The following EYS variants were observed in gnomAD, a reference collection of about 807,000 sequenced individuals.
EYS encodes protein eyes shut homolog.
EYS carries 250 observed loss-of-function variants against 282.1 expected under a neutral mutation model. The observed-to-expected ratio is 0.89, with a 90% CI of 0.80 to 0.98. The LOEUF (loss-of-function observed/expected upper bound fraction) is 0.98. Among genes scored for constraint, EYS ranks in the 50% least tolerant of loss-of-function variants. EYS has a pLI of 0.00. For synonymous variants in EYS, 1,355 were observed against 1,282.9 expected, an observed-to-expected ratio of 1.06 and a Z score of -1.20; for missense variants, 4,016 against 3,709.0, an observed-to-expected ratio of 1.08 and a Z score of -2.15.
At chr6:65,503,830 G>T (rs1351526357) in intron 2 of EYS, among the ~76,000 whole-genome samples, 1 of 151,526 alleles carries the variant, frequency 6.6e-6, no homozygotes, top group Non-Finnish European at 1.5e-5. Flanking sequence ...TTGTTCTTTT[G>T]TCAATACCAG....
intron 29 of EYS, among the ~76,000 whole-genome samples, chr6:64,342,107 A>G (rs2150397233): frequency 6.6e-6 from 1 of 151,764 alleles, no homozygotes; most frequent in South Asian, 2.1e-4. Context: ...TGTATATAGT[A>G]TAATTATAGC....
At chr6:65,618,501 G>C (rs1582526246) in intron 2 of EYS, among the ~76,000 whole-genome samples, 2 of 152,266 alleles carry the variant, frequency 1.3e-5, no homozygotes, top group East Asian at 3.9e-4. Flanking sequence ...TATTTTGTAG[G>C]TTGCTTGTTC....
chr6:64,531,116 T>C (rs1430640142), intron 26 of EYS, among the ~76,000 whole-genome samples: 1 of 152,138 alleles, frequency 6.6e-6, no homozygotes, highest in Non-Finnish European at 1.5e-5. Flanking sequence ...AACCAGAAAT[T>C]GTTTTACATG....
chr6:64,982,951 G>T (rs567719475), intron 14 of EYS, among the ~76,000 whole-genome samples: 1 of 151,208 alleles, frequency 6.6e-6, no homozygotes, highest in Non-Finnish European at 1.5e-5. Context: ...AGAAATCTTT[G>T]AAAATAAAAT....
chr6:64,414,424 T>G (rs2150446137), intron 28 of EYS, among the ~76,000 whole-genome samples: 1 of 152,128 alleles, frequency 6.6e-6, no homozygotes, highest in Non-Finnish European at 1.5e-5. Context: ...GCAGCCTTGA[T>G]TCAAAAACCT....
intron 26 of EYS, among the ~76,000 whole-genome samples, chr6:64,477,974 CCT>C (rs1776324505): frequency 6.6e-6 from 1 of 151,966 alleles, no homozygotes; most frequent in Non-Finnish European, 1.5e-5. Context: ...GATTTTTATT[CCT>C]GTCATTACCA....
intron 33 of EYS, among the ~76,000 whole-genome samples, chr6:64,005,100 G>T (rs1453840989): frequency 6.6e-6 from 1 of 152,100 alleles, no homozygotes; most frequent in African/African-American, 2.4e-5. Flanking sequence ...AAGAGTTCCT[G>T]TTTCTCCACA....
chr6:64,570,025 G>C (rs990715315), intron 26 of EYS, among the ~76,000 whole-genome samples: 2 of 152,208 alleles, frequency 1.3e-5, no homozygotes, highest in African/African-American at 4.8e-5. Context: ...GGAAAAAAAT[G>C]TTAAGATCAG....
At chr6:63,990,507 G>A (rs1393265061) in intron 34 of EYS, among the ~76,000 whole-genome samples, 2 of 151,680 alleles carry the variant, frequency 1.3e-5, no homozygotes, top group Non-Finnish European at 3.0e-5. Flanking sequence ...ACTCTTTGGG[G>A]AGCTGTTTGA....
chr6:65,608,682 C>T (rs1448184983), intron 2 of EYS, among the ~76,000 whole-genome samples: 1 of 151,984 alleles, frequency 6.6e-6, no homozygotes, highest in Admixed American at 6.6e-5. Flanking sequence ...TATGTTCTTG[C>T]TTTATATCCC....
intron 31 of EYS, among the ~76,000 whole-genome samples, chr6:64,205,567 ATTC>A (rs1392170401): frequency 1.3e-5 from 2 of 152,140 alleles, no homozygotes; most frequent in Admixed American, 6.6e-5. Flanking sequence ...TTGCAAATTA[ATTC>A]TTCTTTTTTA....
chr6:65,639,366 A>C (rs1011663441), intron 2 of EYS, among the ~76,000 whole-genome samples: 2 of 152,140 alleles, frequency 1.3e-5, no homozygotes, highest in Non-Finnish European at 2.9e-5. Context: ...TTCTAGAAGA[A>C]TAAAAACCTG....
chr6:65,703,736 GTGAGAAAT>G (rs1769767566), intron 1 of EYS, among the ~76,000 whole-genome samples: 1 of 152,078 alleles, frequency 6.6e-6, no homozygotes, highest in South Asian at 2.1e-4. Flanking sequence ...AACTAACAAT[GTGAGAAAT>G]TCACATTATC....
intron 31 of EYS, among the ~76,000 whole-genome samples, chr6:64,153,547 C>T (rs993480519): frequency 3.3e-5 from 5 of 152,164 alleles, no homozygotes; most frequent in South Asian, 4.1e-4. Flanking sequence ...AATTCATAAA[C>T]GAATATGTTT....
chr6:64,754,020 A>G (rs1772849687), intron 22 of EYS, among the ~76,000 whole-genome samples: 1 of 152,168 alleles, frequency 6.6e-6, no homozygotes, highest in Non-Finnish European at 1.5e-5. Flanking sequence ...GTACATGATG[A>G]AATTAATTTG....
chr6:63,950,194 C>CAA (rs563256139), intron 35 of EYS, among the ~76,000 whole-genome samples: 4 of 130,592 alleles, frequency 3.1e-5, no homozygotes, highest in Non-Finnish European at 3.4e-5. Context: ...CAAAACAAAA[C>CAA]AAAAAAAAAA....
intron 13 of EYS, among the ~76,000 whole-genome samples, chr6:64,998,828 G>C (rs1321043735): frequency 1.3e-5 from 2 of 152,038 alleles, no homozygotes; most frequent in African/African-American, 4.8e-5. Context: ...ATATAATTAA[G>C]ACATTGTGGA....
At chr6:64,783,490 A>C (rs975440266) in intron 22 of EYS, among the ~76,000 whole-genome samples, 2 of 152,038 alleles carry the variant, frequency 1.3e-5, no homozygotes, top group Admixed American at 6.6e-5. Context: ...TTATGTGCTA[A>C]AGGAAAATTA....
intron 13 of EYS, among the ~76,000 whole-genome samples, chr6:65,024,497 T>C (rs1006696249): frequency 4.1e-4 from 62 of 152,190 alleles, no homozygotes; most frequent in Non-Finnish European, 1.5e-5. Context: ...CAGGGCTGAG[T>C]GTTCTTCAGA....
Sources: allele counts gnomAD v4.1 joint callset (sites outside exome capture counted in the v4.1 genomes callset), GRCh38; gene constraint gnomAD v4.1.1; transcripts MANE v1.5; gene names NCBI Gene and HGNC (gene_info 2026-07-23, HGNC 2026-07-21).